Variants in PARD3B observed in about 807,000 individuals in gnomAD.
PARD3B encodes the protein partitioning defective 3 homolog B.
Under a neutral mutation model 130.2 loss-of-function variants are expected in PARD3B, and 103 were observed. The observed-to-expected ratio is 0.79, with a 90% CI of 0.67 to 0.93. The LOEUF (loss-of-function observed/expected upper bound fraction) is 0.93, where lower values mean the gene tolerates loss of function less well. Among genes scored for constraint, PARD3B ranks in the 40% least tolerant of loss-of-function variants. The probability of loss-of-function intolerance (pLI) is 0.00; values close to 1 mark genes in which losing one functional copy is unlikely to be tolerated. For synonymous variants in PARD3B, 583 were observed against 553.2 expected, an observed-to-expected ratio of 1.05 and a Z score of -0.76; for missense variants, 1,609 against 1,499.2, an observed-to-expected ratio of 1.07 and a Z score of -1.21.
chr2:204,616,232 C>T (rs1263349710), intron 1 of PARD3B, among the ~76,000 whole-genome samples: 4 of 152,250 alleles, frequency 2.6e-5, no homozygotes, highest in African/African-American at 4.8e-5. Flanking sequence ...CTGATAAAAA[C>T]GTGTTATCTA....
Position 205,011,212 on chromosome 2 carries a change from CATACAGATG to C in PARD3B, c.395-36366_395-36358del, listed in dbSNP as rs1695684826. Among the ~76,000 whole-genome samples the C allele has an allele frequency of 1.3e-5, 2 of 152,214 alleles. No individual in the cohort carries two copies. The highest frequency in any genetic ancestry group is 2.4e-5 in the African/African-American group (1 of 41,450). ...TTAAAATGACAAACATTTATTACCTCATACAGATGATTACTGTCAGGAATGCAGGCATGG... is the reference window on the plus strand; with the variant it reads ...TTAAAATGACAAACATTTATTACCTCATTACTGTCAGGAATGCAGGCATGG... On this transcript the variant is annotated intron_variant, in intron 3 of 22. Transcript: ENST00000406610. The surrounding 1 kb of genome is among the most constrained non-coding windows in gnomAD (Gnocchi z 4.1).
chr2:205,126,030 C>T (rs540092371), intron 10 of PARD3B, among the ~76,000 whole-genome samples: 9 of 152,264 alleles, frequency 5.9e-5, no homozygotes, highest in South Asian at 2.1e-4. Context: ...ATATGTGCTA[C>T]GTGCGAAGCC....
chr2:205,334,717 T>A (rs62171499), intron 18 of PARD3B, among the ~76,000 whole-genome samples: 5,187 of 152,298 alleles, frequency 0.034, 104 homozygotes, highest in Middle Eastern at 0.058. Context: ...TGAGTTTTAG[T>A]TGTCCTGTGG....
chr2:204,629,373 T>C (rs1460434652), intron 1 of PARD3B, among the ~76,000 whole-genome samples: 1 of 152,198 alleles, frequency 6.6e-6, no homozygotes, highest in Non-Finnish European at 1.5e-5. Flanking sequence ...GTGTGAACTT[T>C]CACGTTTTCT....
intron 3 of PARD3B, among the ~76,000 whole-genome samples, chr2:205,001,515 C>T (rs937422423): frequency 6.6e-6 from 1 of 152,234 alleles, no homozygotes; most frequent in Non-Finnish European, 1.5e-5. Flanking sequence ...CTGGGAGACT[C>T]TGACCCAGTG....
chr2:205,229,826 TG>T lies in PARD3B; in HGVS notation c.2141-15951del. Among the ~76,000 whole-genome samples the T allele has an allele frequency of 6.6e-6, 1 of 152,050 alleles. No individual in the cohort carries two copies. Among genetic ancestry groups the T allele is most frequent in the East Asian group, 2.0e-4 (1 of 5,106 alleles). On this transcript the variant is annotated intron_variant, in intron 15 of 22. Transcript: ENST00000406610. This position sits in a 1 kb window ranked among gnomAD's most constrained non-coding sequence, Gnocchi z 5.2. Reference sequence around the variant, plus strand: ...AGGGCCTAGAGTCAGAAACCTTAGATGTCTACCTGGTGCTCCATTTTCTTGA... The same window carrying T: ...AGGGCCTAGAGTCAGAAACCTTAGATTCTACCTGGTGCTCCATTTTCTTGA...
intron 2 of PARD3B, among the ~76,000 whole-genome samples, chr2:204,889,014 T>C (rs2046359356): frequency 6.6e-6 from 1 of 152,112 alleles, no homozygotes; most frequent in Non-Finnish European, 1.5e-5. Flanking sequence ...GTGAGATAAG[T>C]AGAGAGATAA....
chr2:205,313,570 T>C (rs1463917296), intron 18 of PARD3B, among the ~76,000 whole-genome samples: 2 of 152,224 alleles, frequency 1.3e-5, no homozygotes, highest in Non-Finnish European at 2.9e-5. Context: ...GATTTTGTCA[T>C]ACTTATCACA....
At position 204,857,198 on chromosome 2, in the gene PARD3B, C is replaced by G. The variant is rs577525474; in HGVS notation, c.223-107954C>G. Among the ~76,000 whole-genome samples, 8 of 152,134 alleles carry G rather than the reference C, an allele frequency of 5.3e-5. No homozygotes were observed. The South Asian group carries it at 1.2e-3, about 24-fold the overall frequency. ...GTGAACTTTGAGCATCTTTTTTCAA[C>G]TTTCTTCAGTTAATATCATTCAGAT... is the stretch of plus-strand genomic sequence containing the variant. On this transcript the variant is annotated intron_variant, in intron 2 of 22. Coordinates refer to ENST00000406610, the MANE Select transcript of PARD3B (RefSeq NM_001302769.2).
chr2:204,635,327 A>G (rs1004028744), intron 1 of PARD3B, among the ~76,000 whole-genome samples: 10 of 152,306 alleles, frequency 6.6e-5, no homozygotes, highest in African/African-American at 2.2e-4. Context: ...AGGTAGAAGG[A>G]GTAATCATTG....
At chr2:204,763,728 A>C (rs183180049) in intron 2 of PARD3B, among the ~76,000 whole-genome samples, 1 of 152,322 alleles carries the variant, frequency 6.6e-6, no homozygotes, top group African/African-American at 2.4e-5. Flanking sequence ...AGCACTATCA[A>C]GGATAATTCT....
At chr2:204,563,217 G>GTGTCTC (rs2031435752) in intron 1 of PARD3B, among the ~76,000 whole-genome samples, 2 of 86,598 alleles carry the variant, frequency 2.3e-5, no homozygotes, top group Non-Finnish European at 2.2e-5. Context: ...TCTTCCCGCT[G>GTGTCTC]TCTCTCTCTC....
chr2:205,170,435 C>A (rs1007373346), intron 11 of PARD3B, among the ~76,000 whole-genome samples: 2 of 152,182 alleles, frequency 1.3e-5, no homozygotes, highest in Non-Finnish European at 2.9e-5. Flanking sequence ...TCCACTTAAA[C>A]GGTTTACATC....
chr2:205,354,106 GT>G (rs2044099077), intron 18 of PARD3B, among the ~76,000 whole-genome samples: 1 of 145,908 alleles, frequency 6.9e-6, no homozygotes, highest in Non-Finnish European at 1.5e-5. Context: ...TGACATGAAC[GT>G]GGCTCACTGC....
intron 11 of PARD3B, among the ~76,000 whole-genome samples, chr2:205,163,839 C>G (rs1479788718): frequency 2.6e-5 from 4 of 152,076 alleles, no homozygotes; most frequent in African/African-American, 9.7e-5. Context: ...TTAAGGAAAA[C>G]TAATGTTAAA....
chr2:205,521,454 C>T (rs1449271803), intron 21 of PARD3B, among the ~76,000 whole-genome samples: 2 of 151,868 alleles, frequency 1.3e-5, no homozygotes, highest in African/African-American at 4.8e-5. Context: ...CTTTGTGATA[C>T]CTTAGAGCTT....
intron 2 of PARD3B, among the ~76,000 whole-genome samples, chr2:204,776,677 G>T (rs943906096): frequency 1.3e-5 from 2 of 151,852 alleles, no homozygotes; most frequent in African/African-American, 4.8e-5. Context: ...TGTGGTTAGG[G>T]TTAGGGAAGT....
At chr2:205,302,388 G>T (rs1027537196) in intron 18 of PARD3B, among the ~76,000 whole-genome samples, 1 of 151,968 alleles carries the variant, frequency 6.6e-6, no homozygotes, top group Non-Finnish European at 1.5e-5. Flanking sequence ...AATTAGCCAG[G>T]CACAGTGGTG....
At position 205,125,691 on chromosome 2, in the gene PARD3B, C is replaced by T. The variant is rs2031302962; in HGVS notation, c.1388C>T (p.Ser463Leu). The T allele has an allele frequency of 2.5e-6, 4 of 1,614,072 alleles. No homozygotes were observed. Among genetic ancestry groups the T allele is most frequent in the African/African-American group, 1.3e-5 (1 of 75,014 alleles). Residue 463 changes from serine to leucine, a missense_variant, in exon 10 of 23, where the codon TCG becomes TTG. Coordinates refer to ENST00000406610, the MANE Select transcript of PARD3B (RefSeq NM_001302769.2). This position sits in a 1 kb window ranked among gnomAD's most constrained non-coding sequence, Gnocchi z 4.0. The part of the protein sequence containing the change: ...LRSTKQGETA[S>L]LVIARQEGHF... ...AGCACCAAGCAGGGGGAGACAGCAT[C>T]GCTGGTCATTGCCCGCCAAGAAGGA...
Sources: allele counts gnomAD v4.1 joint callset (sites outside exome capture counted in the v4.1 genomes callset), GRCh38; gene constraint gnomAD v4.1.1; non-coding constraint Gnocchi (gnomAD v3.1); transcripts MANE v1.5; gene names NCBI Gene and HGNC (gene_info 2026-07-23, HGNC 2026-07-21).